Variants in FAM90A20 observed in about 807,000 individuals in gnomAD.
The protein encoded by FAM90A20 is family with sequence similarity 90 member A20, also known as protein FAM90A20.
At chr8:7,295,893 T>C in the FAM90A20 span, 1 of 624,820 alleles carries the variant, frequency 1.6e-6, no homozygotes, top group South Asian at 1.7e-5. Context: ...ATGGTGTCTC[T>C]GCACCTGCAC....
the FAM90A20 span, chr8:7,296,530 A>G: frequency 1.6e-6 from 1 of 627,534 alleles, no homozygotes; most frequent in South Asian, 1.6e-5. Context: ...GGCCTCCACG[A>G]TCCTTGCAGG....
At chr8:7,296,977 G>A in the FAM90A20 span, 16 of 1,184,086 alleles carry the variant, frequency 1.4e-5, no homozygotes, top group African/African-American at 2.3e-5. Context: ...TTCATGGTGT[G>A]TGCACCTTGT....
the FAM90A20 span, chr8:7,296,976 T>C: frequency 8.6e-7 from 1 of 1,166,886 alleles, no homozygotes; most frequent in East Asian, 2.5e-5. Flanking sequence ...TTTCATGGTG[T>C]GTGCACCTTG....
the FAM90A20 span, chr8:7,295,692 A>G: frequency 1.4e-6 from 1 of 720,652 alleles, no homozygotes; most frequent in Admixed American, 1.9e-5. Flanking sequence ...TGCCCCATGA[A>G]GTGCTGGAAG....
At chr8:7,297,643 C>T in the FAM90A20 span, 70 of 1,400,618 alleles carry the variant, frequency 5.0e-5, 6 homozygotes, top group Admixed American at 2.6e-4. Flanking sequence ...CAGCCGCAAC[C>T]GAACTTGGAC....
the FAM90A20 span, chr8:7,297,121 C>G: frequency 1.1e-4 from 168 of 1,509,990 alleles, 18 homozygotes; most frequent in South Asian, 1.2e-3. Context: ...TGGACCCTGT[C>G]CTCTCTGGTC....
At chr8:7,296,630 G>A in the FAM90A20 span, among the ~76,000 whole-genome samples, 3 of 135,068 alleles carry the variant, frequency 2.2e-5, no homozygotes, top group South Asian at 2.2e-4. Flanking sequence ...CCAACAACAC[G>A]TTCCTAGCGG....
the FAM90A20 span, among the ~76,000 whole-genome samples, chr8:7,296,704 G>A: frequency 5.9e-5 from 8 of 135,800 alleles, no homozygotes; most frequent in Non-Finnish European, 1.2e-4. Flanking sequence ...GAACATGCAT[G>A]TGTTCATAGA....
the FAM90A20 span, chr8:7,297,481 C>G: frequency 1.9e-6 from 3 of 1,539,188 alleles, 1 homozygote; most frequent in South Asian, 2.2e-5. Context: ...GCTCCAATCT[C>G]AGCTTTGGGT....
At chr8:7,297,187 C>T in the FAM90A20 span, 19 of 1,536,992 alleles carry the variant, frequency 1.2e-5, 1 homozygote, top group East Asian at 3.6e-4. Context: ...TGTCTCCCCT[C>T]AGAAAAGCCA....
At chr8:7,295,694 T>C in the FAM90A20 span, 1 of 720,448 alleles carries the variant, frequency 1.4e-6, no homozygotes, top group Non-Finnish European at 2.4e-6. Context: ...CCCCATGAAG[T>C]GCTGGAAGGC....
the FAM90A20 span, among the ~76,000 whole-genome samples, chr8:7,296,082 C>A: frequency 7.7e-6 from 1 of 130,514 alleles, no homozygotes; most frequent in Non-Finnish European, 1.5e-5. Flanking sequence ...GCAATGGAAT[C>A]CAAATCACAG....
the FAM90A20 span, among the ~76,000 whole-genome samples, chr8:7,296,575 C>T: frequency 4.4e-5 from 6 of 135,750 alleles, 2 homozygotes; most frequent in African/African-American, 2.1e-4. Context: ...TCTGAAGATG[C>T]CGTATTTCCT....
the FAM90A20 span, chr8:7,297,442 A>T: frequency 3.2e-6 from 5 of 1,553,244 alleles, no homozygotes; most frequent in South Asian, 2.2e-5. Context: ...AGCCCTGCCC[A>T]TCAGCCGCCA....
chr8:7,295,868 C>G, the FAM90A20 span: 2 of 673,292 alleles, frequency 3.0e-6, no homozygotes, highest in South Asian at 1.5e-5. Context: ...TCTTAGGGTA[C>G]TGCCTCCTAA....
the FAM90A20 span, among the ~76,000 whole-genome samples, chr8:7,295,333 G>T: frequency 1.9e-5 from 1 of 53,118 alleles, no homozygotes; most frequent in Non-Finnish European, 3.1e-5. Context: ...ACTCTTGGGG[G>T]CAACCTCCCT....
chr8:7,296,823 A>T, the FAM90A20 span, among the ~76,000 whole-genome samples: 1 of 136,044 alleles, frequency 7.4e-6, no homozygotes, highest in Non-Finnish European at 1.5e-5. Context: ...AATGCCCAAG[A>T]CGCAATCTTT....
chr8:7,296,189 T>G, the FAM90A20 span: 1 of 650,600 alleles, frequency 1.5e-6, no homozygotes, highest in South Asian at 1.5e-5. Context: ...TTTCCATTTC[T>G]GTATCACAAG....
At chr8:7,295,730 A>T in the FAM90A20 span, 2 of 1,043,300 alleles carry the variant, frequency 1.9e-6, no homozygotes, top group Non-Finnish European at 2.9e-6. Flanking sequence ...GACCTTGGGG[A>T]AAAAGGAAGG....
Sources: gnomAD v4.1 joint callset for allele counts (sites outside exome capture counted in the v4.1 genomes callset) on GRCh38, gnomAD v4.1.1 for gene constraint, MANE v1.5 for transcripts, NCBI Gene and HGNC (gene_info 2026-07-23, HGNC 2026-07-21) for gene names.